UTRN: variants seen among roughly 807,000 people sequenced by gnomAD.
UTRN encodes utrophin.
In UTRN, 283 loss-of-function variants were observed where a neutral mutation model predicts 463.9. The ratio of observed to expected loss-of-function variants is 0.61; its 90% CI spans 0.55 to 0.67. The LOEUF (loss-of-function observed/expected upper bound fraction) is 0.67, where lower values mean the gene tolerates loss of function less well. UTRN is among the 30% of genes least tolerant of loss of function. The probability of loss-of-function intolerance (pLI) is 0.00; values close to 1 mark genes in which losing one functional copy is unlikely to be tolerated. For missense variants in UTRN, 3,922 were observed against 4,084.3 expected (o/e 0.96, Z 1.08); for synonymous variants, 1,442 against 1,431.5 (o/e 1.01, Z -0.17).
At chr6:144,633,405 AT>A (rs923014103) in intron 51 of UTRN, among the ~76,000 whole-genome samples, 3 of 151,424 alleles carry the variant, frequency 2.0e-5, no homozygotes, top group South Asian at 2.1e-4. Context: ...AATATTTTGT[AT>A]TTTTTTTAGT....
At chr6:144,357,942 C>T (rs1475944156) in intron 2 of UTRN, among the ~76,000 whole-genome samples, 1 of 152,222 alleles carries the variant, frequency 6.6e-6, no homozygotes, top group African/African-American at 2.4e-5. Flanking sequence ...GGCTCCCTCC[C>T]CGCCATCTTG....
chr6:144,714,046 T>C (rs1246236353), intron 53 of UTRN, among the ~76,000 whole-genome samples: 1 of 152,192 alleles, frequency 6.6e-6, no homozygotes, highest in Non-Finnish European at 1.5e-5. Flanking sequence ...TTTATGTCAC[T>C]GGGGTGGAAC....
chr6:144,727,158 A>C (rs570359168), intron 53 of UTRN, among the ~76,000 whole-genome samples: 1 of 152,190 alleles, frequency 6.6e-6, no homozygotes, highest in Non-Finnish European at 1.5e-5. Flanking sequence ...TAATAGTTTT[A>C]TATTTCCAGA....
chr6:144,803,498 T>C (rs1394733355), intron 65 of UTRN, among the ~76,000 whole-genome samples: 1 of 152,004 alleles, frequency 6.6e-6, no homozygotes, highest in Non-Finnish European at 1.5e-5. Flanking sequence ...ATACAGAAAA[T>C]GGAGATATTA....
At chr6:144,551,156 C>T (rs1469866093) in intron 48 of UTRN, 74 bp downstream of exon 48, 14 of 831,016 alleles carry the variant, frequency 1.7e-5, no homozygotes, top group Non-Finnish European at 2.2e-5. Flanking sequence ...CACACACACA[C>T]ACACACACAC....
chr6:144,446,109 A>G (rs1240072224), intron 14 of UTRN, among the ~76,000 whole-genome samples: 3 of 152,214 alleles, frequency 2.0e-5, no homozygotes, highest in Non-Finnish European at 4.4e-5. Flanking sequence ...TTACTCTTCT[A>G]TCCAGTAAAG....
chr6:144,531,539 C>G (rs934739426), intron 42 of UTRN, among the ~76,000 whole-genome samples: 1 of 152,066 alleles, frequency 6.6e-6, no homozygotes, highest in African/African-American at 2.4e-5. Flanking sequence ...CATGCCTCAC[C>G]TCTGTTTTTT....
At chr6:144,758,257 C>T (rs1439489389) in intron 58 of UTRN, 1 of 259,204 alleles carries the variant, frequency 3.9e-6, no homozygotes, top group Admixed American at 5.4e-5. Flanking sequence ...CTATGATGGC[C>T]ATACTGTATT....
intron 51 of UTRN, among the ~76,000 whole-genome samples, chr6:144,600,662 C>A (rs1238430304): frequency 1.3e-5 from 2 of 152,180 alleles, no homozygotes; most frequent in African/African-American, 4.8e-5. Context: ...CACAAAAGTA[C>A]AAATAATAAG....
At chr6:144,537,383 A>G (rs940617063) in intron 43 of UTRN, among the ~76,000 whole-genome samples, 199 bp from the exon 44 acceptor site, 1 of 152,022 alleles carries the variant, frequency 6.6e-6, no homozygotes, top group Non-Finnish European at 1.5e-5. Context: ...AACTAAGGAA[A>G]AAAGCTTCTT....
At chr6:144,316,207 TAAA>T (rs1373961639) in intron 2 of UTRN, among the ~76,000 whole-genome samples, 1 of 152,106 alleles carries the variant, frequency 6.6e-6, no homozygotes, top group Admixed American at 6.5e-5. Flanking sequence ...AAAAAGTCTC[TAAA>T]AAACAAAACA....
At chr6:144,721,818 A>G (rs565363430) in intron 53 of UTRN, among the ~76,000 whole-genome samples, 1 of 152,220 alleles carries the variant, frequency 6.6e-6, no homozygotes, top group Non-Finnish European at 1.5e-5. Context: ...CCTGAAGGTA[A>G]TTTTATACAA....
chr6:144,410,783 C>A (rs1783820918), intron 3 of UTRN, among the ~76,000 whole-genome samples: 1 of 144,230 alleles, frequency 6.9e-6, no homozygotes, highest in Non-Finnish European at 1.5e-5. Flanking sequence ...GAATAGTATT[C>A]CATGGTGTGT....
chr6:144,662,699 A>G (rs887976935), intron 51 of UTRN, among the ~76,000 whole-genome samples: 4 of 152,210 alleles, frequency 2.6e-5, no homozygotes, highest in Admixed American at 2.6e-4. Flanking sequence ...TACGCTTAGT[A>G]GTTGAGGCCA....
chr6:144,712,920 T>C (rs947194191), intron 53 of UTRN, among the ~76,000 whole-genome samples: 1 of 152,186 alleles, frequency 6.6e-6, no homozygotes, highest in African/African-American at 2.4e-5. Flanking sequence ...TTTTGGAGTA[T>C]GCAGTAGAGT....
intron 3 of UTRN, among the ~76,000 whole-genome samples, chr6:144,406,114 T>TGTA (rs1282461488): frequency 6.6e-6 from 1 of 152,254 alleles, no homozygotes; most frequent in African/African-American, 2.4e-5. Flanking sequence ...ATTTTTCTTG[T>TGTA]GTAAAACATG....
rs769268996 is a variant in UTRN, at chr6:144,437,731, T to A, written c.1226T>A (p.Met409Lys). ...TGGGAGGCTCTTAGGGTGGAGAGTATGGACAGACAGTCCCGGTGAGTGGAA... is the reference window on the plus strand; with the variant it reads ...TGGGAGGCTCTTAGGGTGGAGAGTAAGGACAGACAGTCCCGGTGAGTGGAA... Reference protein sequence around the residue: ...ARWEALRVESMDRQSRLHDVL... With the variant: ...ARWEALRVESKDRQSRLHDVL... Residue 409 changes from methionine to lysine, a missense_variant, in exon 11 of 75, where the codon ATG (methionine) becomes AAG (lysine). Coordinates refer to ENST00000367545, the MANE Select transcript of UTRN (RefSeq NM_007124.3). The A allele has an allele frequency of 6.2e-7, 1 of 1,613,304 alleles. No individual in the cohort carries two copies.
chr6:144,743,656 T>G (rs1790350695), intron 54 of UTRN, among the ~76,000 whole-genome samples: 2 of 152,342 alleles, frequency 1.3e-5, no homozygotes, highest in South Asian at 4.1e-4. Context: ...CTGTTCCTGG[T>G]CCAGCTTTGG....
At chr6:144,726,975 A>G (rs1787946021) in intron 53 of UTRN, among the ~76,000 whole-genome samples, 1 of 152,212 alleles carries the variant, frequency 6.6e-6, no homozygotes, top group African/African-American at 2.4e-5. Context: ...GTTCCAAGAC[A>G]AATCTCTCCT....
Sources: allele counts gnomAD v4.1 joint callset (sites outside exome capture counted in the v4.1 genomes callset), GRCh38; gene constraint gnomAD v4.1.1; transcripts MANE v1.5; gene names NCBI Gene and HGNC (gene_info 2026-07-23, HGNC 2026-07-21).